RBFOX1: variants seen among roughly 807,000 people sequenced by gnomAD.
The protein encoded by RBFOX1 is RNA binding fox-1 homolog 1.
A neutral mutation model predicts 57.7 loss-of-function variants in RBFOX1; 8 were observed. The observed-to-expected ratio is 0.14, with a 90% confidence interval of 0.08 to 0.25. The LOEUF is 0.25. Ranked by LOEUF, RBFOX1 falls within the 10% of genes least tolerant of loss-of-function variation. The pLI is 1.00. For missense variants in RBFOX1, 611 were observed against 548.5 expected (o/e 1.11, Z -1.14); for synonymous variants, 326 against 222.4 (o/e 1.47, Z -4.15).
At chr16:7,078,228 C>G (rs756390136) in intron 4 of RBFOX1, among the ~76,000 whole-genome samples, 1 of 152,148 alleles carries the variant, frequency 6.6e-6, no homozygotes, top group African/African-American at 2.4e-5. Flanking sequence ...AGCTGATGTC[C>G]ACTATACAGA....
intron 1 of RBFOX1, among the ~76,000 whole-genome samples, chr16:6,304,935 G>T (rs11641750): frequency 6.8e-6 from 1 of 146,630 alleles, no homozygotes. Context: ...TTGTAAACCT[G>T]TTGCACAATT....
intron 15 of RBFOX1, 93 bp downstream of exon 15, chr16:7,709,224 C>T: frequency 1.6e-6 from 2 of 1,232,168 alleles, no homozygotes; most frequent in Non-Finnish European, 2.3e-6. Context: ...CCTCTCACTT[C>T]CCGTTAATTG....
chr16:7,506,091 A>G (rs1288785899), intron 4 of RBFOX1, among the ~76,000 whole-genome samples: 1 of 146,144 alleles, frequency 6.8e-6, no homozygotes, highest in Non-Finnish European at 1.5e-5. Flanking sequence ...AGGCTGAGGC[A>G]GGAGAACTGC....
chr16:7,341,812 T>G (rs2096902752), intron 4 of RBFOX1, among the ~76,000 whole-genome samples: 1 of 140,456 alleles, frequency 7.1e-6, no homozygotes. Context: ...CCTTCCTTCC[T>G]TCCTTCCTTC....
intron 1 of RBFOX1, among the ~76,000 whole-genome samples, chr16:5,313,368 AT>A (rs1478945901): frequency 6.6e-6 from 1 of 152,170 alleles, no homozygotes; most frequent in Non-Finnish European, 1.5e-5. Flanking sequence ...GACTCCTAGC[AT>A]TAGTGCCATT....
At chr16:5,939,297 T>G (rs977741914) in intron 4 of RBFOX1, among the ~76,000 whole-genome samples, 31 of 152,240 alleles carry the variant, frequency 2.0e-4, no homozygotes, top group African/African-American at 7.0e-4. Context: ...AAACTTAGAT[T>G]AAAACAACGG....
intron 4 of RBFOX1, among the ~76,000 whole-genome samples, chr16:7,362,921 C>A (rs1050265567): frequency 2.6e-4 from 39 of 152,124 alleles, no homozygotes; most frequent in African/African-American, 8.5e-4. Context: ...TAACTCAGCT[C>A]TGCACTAGTG....
intron 1 of RBFOX1, among the ~76,000 whole-genome samples, chr16:6,266,091 G>A (rs1453276242): frequency 3.9e-5 from 6 of 152,160 alleles, no homozygotes; most frequent in Admixed American, 1.3e-4. Flanking sequence ...GAAGTGAGAT[G>A]TGTCACTTCT....
At chr16:5,382,933 T>C (rs945162217) in intron 1 of RBFOX1, among the ~76,000 whole-genome samples, 1 of 152,210 alleles carries the variant, frequency 6.6e-6, no homozygotes. Context: ...GAGGTGGGAT[T>C]TGGGTTTCAG....
chr16:6,661,520 A>C (rs547288572), intron 3 of RBFOX1, among the ~76,000 whole-genome samples: 3 of 152,210 alleles, frequency 2.0e-5, no homozygotes, highest in Middle Eastern at 3.2e-3. Context: ...ACAGAAGGCA[A>C]ATCTTTACTG....
intron 4 of RBFOX1, among the ~76,000 whole-genome samples, chr16:7,311,710 C>A (rs2096313745): frequency 6.6e-6 from 1 of 152,138 alleles, no homozygotes; most frequent in Non-Finnish European, 1.5e-5. Context: ...ACTGCAGTAG[C>A]CAGCTGTCCA....
chr16:5,586,577 A>T (rs1007761079), intron 2 of RBFOX1, among the ~76,000 whole-genome samples: 3 of 152,214 alleles, frequency 2.0e-5, no homozygotes, highest in Non-Finnish European at 4.4e-5. Flanking sequence ...AACTCACTGC[A>T]GCCTCAACCT....
chr16:6,942,186 C>T (rs7206869), intron 3 of RBFOX1, among the ~76,000 whole-genome samples: 9,092 of 152,134 alleles, frequency 0.06, 763 homozygotes, highest in African/African-American at 0.19. Context: ...TTGCAGTGAG[C>T]CAAGATGGCA....
At chr16:6,394,591 T>G (rs777904001) in intron 2 of RBFOX1, among the ~76,000 whole-genome samples, 2 of 151,904 alleles carry the variant, frequency 1.3e-5, no homozygotes, top group Admixed American at 6.6e-5. Context: ...AGTTAAGACA[T>G]ATTTCAAAGT....
At chr16:6,884,216 C>A (rs1404529932) in intron 3 of RBFOX1, among the ~76,000 whole-genome samples, 1 of 152,200 alleles carries the variant, frequency 6.6e-6, no homozygotes, top group South Asian at 2.1e-4. Flanking sequence ...GTGCAGTCAG[C>A]CATGCTGCAG....
intron 3 of RBFOX1, among the ~76,000 whole-genome samples, chr16:6,819,156 C>A (rs79244567): frequency 0.012 from 1,870 of 152,244 alleles, 45 homozygotes; most frequent in African/African-American, 0.043. Context: ...ATATATTTGA[C>A]CCCTGTGAGC....
intron 1 of RBFOX1, among the ~76,000 whole-genome samples, chr16:6,210,979 G>A (rs896016801): frequency 6.6e-6 from 1 of 151,980 alleles, no homozygotes; most frequent in Non-Finnish European, 1.5e-5. Flanking sequence ...GAAACTGAAC[G>A]TTACAGGATC....
chr16:5,571,853 C>A (rs905365054), intron 2 of RBFOX1, among the ~76,000 whole-genome samples: 1 of 152,206 alleles, frequency 6.6e-6, no homozygotes, highest in African/African-American at 2.4e-5. Flanking sequence ...TTTATTTCTG[C>A]ATTCATCCTC....
chr16:5,623,919 A>C (rs973991881), intron 3 of RBFOX1, among the ~76,000 whole-genome samples: 2 of 152,160 alleles, frequency 1.3e-5, no homozygotes, highest in Non-Finnish European at 2.9e-5. Flanking sequence ...TTTATTATTC[A>C]CAGAGTTGTG....
Sources: gnomAD v4.1 joint callset for allele counts (sites outside exome capture counted in the v4.1 genomes callset) on GRCh38, gnomAD v4.1.1 for gene constraint, MANE v1.5 for transcripts, NCBI Gene and HGNC (gene_info 2026-07-23, HGNC 2026-07-21) for gene names.